Variants in PRKDC observed in about 807,000 individuals in gnomAD.
PRKDC encodes the protein protein kinase, DNA-activated, catalytic subunit.
PRKDC carries 82 observed loss-of-function variants against 486.9 expected under a neutral mutation model. The ratio of observed to expected loss-of-function variants is 0.17; its 90% CI spans 0.14 to 0.20. The LOEUF (loss-of-function observed/expected upper bound fraction) is 0.20, where lower values mean the gene tolerates loss of function less well. Ranked by LOEUF, PRKDC falls within the 10% of genes least tolerant of loss-of-function variation. PRKDC has a pLI of 1.00. For missense variants in PRKDC, 4,504 were observed against 5,038.2 expected (o/e 0.89, Z 3.21); for synonymous variants, 1,895 against 1,837.0 (o/e 1.03, Z -0.81).
At position 47,897,148 on chromosome 8, in the gene PRKDC, C is replaced by T. The variant is rs762739383; in HGVS notation, c.3598+13G>A. ...GCACCGTGGTGAAATTAAAGATATA[C>T]AGATTACCATACCTGGCAATAAAGG... is the stretch of plus-strand genomic sequence containing the variant. On this transcript the variant is annotated intron_variant, in intron 30 of 85. Coordinates refer to ENST00000314191, the MANE Select transcript of PRKDC (RefSeq NM_006904.7). The T allele has an allele frequency of 6.3e-7, 1 of 1,578,294 alleles. No individual in the cohort carries two copies. Among genetic ancestry groups the T allele is most frequent in the Non-Finnish European group, 8.7e-7 (1 of 1,153,000 alleles).
intron 24 of PRKDC, among the ~76,000 whole-genome samples, chr8:47,912,806 A>G (rs1042460435): frequency 1.3e-5 from 2 of 152,244 alleles, no homozygotes; most frequent in Non-Finnish European, 2.9e-5. Flanking sequence ...ACTGGGAAGT[A>G]TATTTCACTG....
chr8:47,849,171 A>G lies in PRKDC; in HGVS notation c.7263T>C (p.Val2421=). Residue 2421 remains valine, a synonymous_variant, in exon 54 of 86, where the codon GTT becomes GTC. Coordinates refer to ENST00000314191, the MANE Select transcript of PRKDC (RefSeq NM_006904.7). ...TCACTCACCTATGTCTCATGACTTG[A>G]ACGAAGTCCTTGCTCTTTAACTGGA... The part of the protein sequence containing the change: ...LYFQLKSKDF[V]QVMRHRDDER... The G allele has an allele frequency of 6.2e-7, 1 of 1,614,036 alleles. No homozygotes were observed. Among genetic ancestry groups the G allele is most frequent in the Non-Finnish European group, 8.5e-7 (1 of 1,179,890 alleles).
In PRKDC at chr8:47,902,750, C is replaced by T; in HGVS notation, c.3088G>A (p.Gly1030Ser). 1.9e-6 allele frequency: 3 copies of T among 1,613,492 alleles called. No homozygotes were observed. The African/African-American group carries it at 4.0e-5, about 22-fold the overall frequency. Residue 1030 changes from glycine (G) to serine (S), a missense_variant, in exon 27 of 86, where the codon GGT becomes AGT. Around this residue, in one of 6 missense-constraint regions of PRKDC, gnomAD observed 1,969 missense variants for 2,068.9 expected, o/e 0.95. Transcript: ENST00000314191. ...PVDSTLRDFC[G>S]RCIREFLKWS... Reference sequence around the variant, plus strand: ...TTAAGGAATTCTCGAATACACCGACCACAAAAATCTCTTAAAGTACTGTCA... The same window carrying T: ...TTAAGGAATTCTCGAATACACCGACTACAAAAATCTCTTAAAGTACTGTCA...
chr8:47,910,729 AACG>A (rs1402036261), intron 25 of PRKDC, among the ~76,000 whole-genome samples: 1 of 152,198 alleles, frequency 6.6e-6, no homozygotes, highest in East Asian at 1.9e-4. Context: ...GATTTGGGGA[AACG>A]ACGTTTTTTT....
intron 36 of PRKDC, among the ~76,000 whole-genome samples, chr8:47,883,833 G>A (rs1162469661): frequency 1.3e-5 from 2 of 152,118 alleles, no homozygotes; most frequent in African/African-American, 2.4e-5. Flanking sequence ...GTCCCGCTAC[G>A]CCCTCTGGCG....
At chr8:47,868,272 T>C (rs2088862116) in intron 40 of PRKDC, among the ~76,000 whole-genome samples, 1 of 151,946 alleles carries the variant, frequency 6.6e-6, no homozygotes, top group Non-Finnish European at 1.5e-5. Context: ...TTTAAATATT[T>C]TAATTCCGGG....
intron 64 of PRKDC, among the ~76,000 whole-genome samples, chr8:47,822,877 A>G (rs1342545568): frequency 3.9e-5 from 6 of 152,198 alleles, no homozygotes; most frequent in Non-Finnish European, 7.4e-5. Flanking sequence ...TTGAATAGCC[A>G]CTGACGGAAT....
rs1160862005 is a variant in PRKDC at position 47,826,701 on chromosome 8, T to C, written c.8738A>G (p.Lys2913Arg). 4 of 1,613,254 alleles carry C rather than the reference T, an allele frequency of 2.5e-6. No homozygotes were observed. Among genetic ancestry groups the C allele is most frequent in the Non-Finnish European group, 3.4e-6 (4 of 1,179,830 alleles). Reference sequence around the variant, plus strand: ...GAGGACATCAGGAGGGAGGCGGGCCTTCCCACGGACTCGCTTGGCAGGCAG... The same window carrying C: ...GAGGACATCAGGAGGGAGGCGGGCCCTCCCACGGACTCGCTTGGCAGGCAG... ...AELPAKRVRG[K>R]ARLPPDVLRW... Residue 2913 changes from lysine to arginine, a missense_variant, in exon 63 of 86, where the codon AAG becomes AGG. This residue lies in a region of PRKDC where 1,592 missense variants were observed against 1,724.6 expected (regional missense o/e 0.92). Coordinates refer to ENST00000314191, the MANE Select transcript of PRKDC (RefSeq NM_006904.7).
In PRKDC at chr8:47,820,843, C is replaced by G. The variant is rs1447621213; in HGVS notation, c.9212G>C (p.Gly3071Ala). The G allele has an allele frequency of 6.2e-7, 1 of 1,613,158 alleles. No individual in the cohort carries two copies. Among genetic ancestry groups the G allele is most frequent in the East Asian group, 2.2e-5 (1 of 44,878 alleles). ...CTCTAGAATCGCCTTCTGGAGCTCC[C>G]CGTGCATAGCTTTGTCAATAAATGT... Reference protein sequence around the residue: ...LLTFIDKAMHGELQKAILELH... With the variant: ...LLTFIDKAMHAELQKAILELH... The change falls in exon 66 of 86, where the codon GGG becomes GCG. Residue 3071 changes from glycine (G) to alanine (A), a missense_variant. Around this residue, in one of 6 missense-constraint regions of PRKDC, gnomAD observed 1,592 missense variants for 1,724.6 expected, o/e 0.92. Coordinates refer to ENST00000314191, the MANE Select transcript of PRKDC (RefSeq NM_006904.7).
At chr8:47,807,052 G>A in intron 69 of PRKDC, 85 bp downstream of exon 69, 1 of 1,353,576 alleles carries the variant, frequency 7.4e-7, no homozygotes. Flanking sequence ...TTAAGGTTCA[G>A]ACTCTAAAGA....
chr8:47,862,022 C>A, intron 44 of PRKDC, 40 bp downstream of exon 44: 2 of 1,454,154 alleles, frequency 1.4e-6, no homozygotes, highest in Non-Finnish European at 1.9e-6. Flanking sequence ...TCTTTGTGAG[C>A]ACTTGATAAG....
chr8:47,931,311 G>C (rs1411213524), intron 16 of PRKDC, among the ~76,000 whole-genome samples: 3 of 152,104 alleles, frequency 2.0e-5, no homozygotes, highest in Non-Finnish European at 4.4e-5. Context: ...ACCAACAAGG[G>C]AGGAGGAGGC....
chr8:47,872,556 T>A (rs1466619419), intron 40 of PRKDC, among the ~76,000 whole-genome samples: 1 of 143,846 alleles, frequency 7.0e-6, no homozygotes, highest in Non-Finnish European at 1.5e-5. Flanking sequence ...ACTTCACCTA[T>A]AAACATCCAC....
intron 11 of PRKDC, among the ~76,000 whole-genome samples, chr8:47,939,154 A>G (rs2154503939): frequency 6.6e-6 from 1 of 152,324 alleles, no homozygotes; most frequent in Admixed American, 6.5e-5. Context: ...TACCACATGT[A>G]AAGAATTCTA....
At chr8:47,936,917 G>T (rs2090361771) in intron 11 of PRKDC, among the ~76,000 whole-genome samples, 1 of 150,162 alleles carries the variant, frequency 6.7e-6, no homozygotes, top group South Asian at 2.1e-4. Flanking sequence ...GAGCCACTGT[G>T]CCCAGCCACA....
At chr8:47,804,166 A>G (rs2087168501) in intron 69 of PRKDC, among the ~76,000 whole-genome samples, 2 of 152,200 alleles carry the variant, frequency 1.3e-5, no homozygotes, top group Admixed American at 1.3e-4. Context: ...GTATCAGAAA[A>G]TAAGTGGTGA....
rs542614672 is a variant in PRKDC at position 47,777,822 on chromosome 8, T to C, written c.11906A>G (p.Asn3969Ser). ...MPFRLTRQFI[N>S]LMLPMKETGL... ...CGTTTCTTTCATTGGTAACATCAGA[T>C]TGATAAACTGGCGAGTTAGCCGAAA... Residue 3969 changes from asparagine (N) to serine (S), a missense_variant, in exon 84 of 86, where the codon AAT becomes AGT. Coordinates refer to ENST00000314191, the MANE Select transcript of PRKDC (RefSeq NM_006904.7). The C allele has an allele frequency of 1.7e-5, 28 of 1,613,960 alleles. No homozygotes were observed. The South Asian group carries it at 1.9e-4, about 11-fold the overall frequency.
In PRKDC at chr8:47,939,594, T is replaced by C; in HGVS notation, c.1070A>G (p.Lys357Arg). 9.3e-6 allele frequency: 15 copies of C among 1,613,698 alleles called. No individual in the cohort carries two copies. The highest frequency in any genetic ancestry group is 1.2e-5 in the Non-Finnish European group (14 of 1,179,634). The change falls in exon 11 of 86, where the codon AAG becomes AGG. Residue 357 changes from lysine (K) to arginine (R), a missense_variant. Transcript: ENST00000314191. Reference sequence around the variant, plus strand: ...TCCACGGATAGCAATAGATAACTCCTTGTTGTTCGAATCCACATTTCTGAT... The same window carrying C: ...TCCACGGATAGCAATAGATAACTCCCTGTTGTTCGAATCCACATTTCTGAT... Reference protein sequence around the residue: ...GIIRNVDSNNKELSIAIRGYG... With the variant: ...GIIRNVDSNNRELSIAIRGYG...
intron 72 of PRKDC, 46 bp downstream of exon 72, chr8:47,799,164 T>C: frequency 6.2e-7 from 1 of 1,607,766 alleles, no homozygotes; most frequent in Non-Finnish European, 8.5e-7. Flanking sequence ...TTCATAAGAC[T>C]TTATGCTGAC....
Sources: gnomAD v4.1 joint callset for allele counts (sites outside exome capture counted in the v4.1 genomes callset) on GRCh38, gnomAD v4.1.1 for gene constraint, gnomAD v4.1.1 regional missense constraint, MANE v1.5 for transcripts, NCBI Gene and HGNC (gene_info 2026-07-23, HGNC 2026-07-21) for gene names.